CILK1: variants seen among roughly 807,000 people sequenced by gnomAD.
The protein encoded by CILK1 is serine/threonine-protein kinase ICK.
In CILK1, 47 loss-of-function variants were observed where a neutral mutation model predicts 79.2. The ratio of observed to expected loss-of-function variants is 0.59; its 90% CI spans 0.47 to 0.76. CILK1 has a LOEUF of 0.76. Ranked by LOEUF, CILK1 falls within the 30% of genes least tolerant of loss-of-function variation. The pLI, the probability that CILK1 is intolerant of heterozygous loss-of-function variation, is 0.00. For missense variants in CILK1, 660 were observed against 769.5 expected (o/e 0.86, Z 1.68); for synonymous variants, 266 against 275.9 (o/e 0.96, Z 0.36).
chr6:53,030,148 C>G (rs1765840472), intron 5 of CILK1, among the ~76,000 whole-genome samples: 1 of 152,176 alleles, frequency 6.6e-6, no homozygotes, highest in Non-Finnish European at 1.5e-5. Context: ...GGTATGTGGT[C>G]ATCGTTCCTT....
intron 4 of CILK1, among the ~76,000 whole-genome samples, chr6:53,032,203 T>TA (rs1306634603): frequency 6.6e-6 from 1 of 152,102 alleles, no homozygotes; most frequent in Non-Finnish European, 1.5e-5. Context: ...AGAGGGCCTC[T>TA]AAAGTAGAAA....
chr6:53,020,211 T>G (rs1562014538), intron 5 of CILK1, among the ~76,000 whole-genome samples: 1 of 152,204 alleles, frequency 6.6e-6, no homozygotes. Context: ...GTCTCAGCTA[T>G]AGCAGAGCTC....
In CILK1 at chr6:53,003,255, G is replaced by A. The variant is rs1409482399; in HGVS notation, c.*1894C>T. The A allele has an allele frequency of 6.6e-6, 1 of 152,462 alleles. No individual in the cohort carries two copies. Among genetic ancestry groups the A allele is most frequent in the East Asian group, 1.9e-4 (1 of 5,204 alleles). 9.4% of individuals were successfully genotyped at this position (152,462 alleles called of 1,614,324 possible). On this transcript the variant is annotated 3_prime_UTR_variant, in exon 14 of 14. Coordinates refer to ENST00000676107, the MANE Select transcript of CILK1 (RefSeq NM_014920.5). ...CCTAGGGATCATGGTGCTTGGTCAA[G>A]TATATATTTGAGTCAAATTCTCCAA...
intron 5 of CILK1, among the ~76,000 whole-genome samples, chr6:53,019,880 C>T (rs1765131731): frequency 1.3e-5 from 2 of 151,308 alleles, no homozygotes; most frequent in Non-Finnish European, 2.9e-5. Flanking sequence ...CTCTGTTGCC[C>T]AGGCTTGTCT....
chr6:53,040,273 G>C (rs1370027283), intron 2 of CILK1, among the ~76,000 whole-genome samples: 2 of 152,182 alleles, frequency 1.3e-5, no homozygotes, highest in Admixed American at 6.5e-5. Context: ...ATTTGACAAG[G>C]ATGTCACTTC....
In CILK1 at chr6:53,011,668, C is replaced by T. The variant is rs1001218623; in HGVS notation, c.1492+101G>A. 1.1e-5 allele frequency: 12 copies of T among 1,109,958 alleles called. No individual in the cohort carries two copies. The African/African-American group carries it at 1.5e-4, about 14-fold the overall frequency. 68.8% of individuals were successfully genotyped at this position (1,109,958 alleles called of 1,614,324 possible). A position where few individuals can be genotyped will look rare whatever the true frequency, so the allele number is the denominator to read the frequency against. On this transcript the variant is annotated intron_variant, in intron 11 of 13. Coordinates refer to ENST00000676107, the MANE Select transcript of CILK1 (RefSeq NM_014920.5). ...TTCCCCTCAGTTCTGAAGGGAAGCC[C>T]CCTAGTATCTGCCTTCTAAAACAGA...
chr6:53,022,804 C>T (rs192848436), intron 5 of CILK1, among the ~76,000 whole-genome samples: 115 of 152,336 alleles, frequency 7.5e-4, no homozygotes, highest in Middle Eastern at 3.4e-3. Flanking sequence ...TGAGCATCTG[C>T]TCCATGCCAG....
intron 5 of CILK1, among the ~76,000 whole-genome samples, chr6:53,029,903 A>G (rs1765824217): frequency 6.6e-6 from 1 of 152,176 alleles, no homozygotes; most frequent in Admixed American, 6.5e-5. Context: ...TGTATATTAC[A>G]ATGACCTCAA....
At chr6:53,032,725 A>C in intron 3 of CILK1, 71 bp from the exon 4 acceptor site, 1 of 1,257,032 alleles carries the variant, frequency 8.0e-7, no homozygotes, top group Admixed American at 1.9e-5. Flanking sequence ...AAGAAAAGTA[A>C]TCCTATGTAT....
In CILK1 at chr6:53,013,844, G is replaced by A; in HGVS notation, c.970C>T (p.Gln324Ter). The change falls in exon 9 of 14, where the codon CAG (glutamine) becomes TAG (stop). Residue 324 changes from glutamine (Q) to a stop codon, truncating the protein, a stop_gained. Coordinates refer to ENST00000676107, the MANE Select transcript of CILK1 (RefSeq NM_014920.5). LOFTEE classifies it high-confidence loss of function. ...PPYIKPVPPA[Q>*]PPAKPHTRIS... ...CGTGTGTGTGGCTTGGCTGGTGGCT[G>A]GGCAGGTGGGACTGGCTTAATATAA... 2 of 1,614,084 alleles carry A rather than the reference G, an allele frequency of 1.2e-6. No homozygotes were observed. The highest frequency in any genetic ancestry group is 1.1e-5 in the South Asian group (1 of 91,074).
At position 53,041,422 on chromosome 6, in the gene CILK1, T is replaced by G; in HGVS notation, c.-172-14A>C. Reference sequence around the variant, plus strand: ...TCAGTCTTCTGCCTGCAGAGAAAAATGAGAGACAAGGATAAATGTTAATAT... The same window carrying G: ...TCAGTCTTCTGCCTGCAGAGAAAAAGGAGAGACAAGGATAAATGTTAATAT... On this transcript the variant is annotated splice_polypyrimidine_tract_variant and intron_variant, in intron 1 of 13. Coordinates refer to ENST00000676107, the MANE Select transcript of CILK1 (RefSeq NM_014920.5). 3.4e-6 allele frequency: 2 copies of G among 595,190 alleles called. No individual in the cohort carries two copies. Among genetic ancestry groups the G allele is most frequent in the Non-Finnish European group, 6.1e-6 (2 of 329,296 alleles). 36.9% of individuals were successfully genotyped at this position (595,190 alleles called of 1,614,324 possible). A position where few individuals can be genotyped will look rare whatever the true frequency, so the allele number is the denominator to read the frequency against.
chr6:53,044,449 G>T (rs370403001), intron 1 of CILK1, among the ~76,000 whole-genome samples: 1 of 152,176 alleles, frequency 6.6e-6, no homozygotes, highest in African/African-American at 2.4e-5. Flanking sequence ...TGTAGTTACT[G>T]TCCTGTGATT....
intron 4 of CILK1, 25 bp from the exon 5 acceptor site, chr6:53,031,169 GT>G: frequency 1.4e-6 from 2 of 1,451,506 alleles, no homozygotes; most frequent in Non-Finnish European, 1.9e-6. Flanking sequence ...GGAAAACAAA[GT>G]TATAAATCAA....
chr6:53,007,727 C>T (rs950634090), intron 12 of CILK1, among the ~76,000 whole-genome samples: 3 of 150,662 alleles, frequency 2.0e-5, no homozygotes, highest in African/African-American at 4.9e-5. Flanking sequence ...GTCAGGAGTT[C>T]GAGACCAGCC....
At chr6:53,022,915 A>G (rs184821970) in intron 5 of CILK1, among the ~76,000 whole-genome samples, 1 of 151,278 alleles carries the variant, frequency 6.6e-6, no homozygotes, top group Non-Finnish European at 1.5e-5. Context: ...GTTGAGCTCT[A>G]TCAACTTCAG....
Position 53,030,015 on chromosome 6 carries a change from A to T in CILK1, c.358+1050T>A, listed in dbSNP as rs533451193. 3.3e-5 allele frequency among the ~76,000 whole-genome samples: 5 copies of T among 152,324 alleles called. No individual in the cohort carries two copies. In the East Asian group the frequency reaches 9.6e-4, roughly 29 times the overall value. On this transcript the variant is annotated intron_variant, in intron 5 of 13. Coordinates refer to ENST00000676107, the MANE Select transcript of CILK1 (RefSeq NM_014920.5). ...TCCAACCCCAGCTGGGTCTGTGTCT[A>T]GTTAGTAACAACAAGCAGCAATACT...
In CILK1 at chr6:53,019,689, C is replaced by T. The variant is rs780998663; in HGVS notation, c.359-330G>A. Among the ~76,000 whole-genome samples the T allele has an allele frequency of 5.9e-5, 9 of 152,214 alleles. No homozygotes were observed. The East Asian group carries it at 9.6e-4, about 16-fold the overall frequency. On this transcript the variant is annotated intron_variant, in intron 5 of 13. Transcript: ENST00000676107. ...TCACTCAAGGGAAAAATATCACTGACGGCATCTCATTCTATTGCCTAGGTT... is the reference window on the plus strand; with the variant it reads ...TCACTCAAGGGAAAAATATCACTGATGGCATCTCATTCTATTGCCTAGGTT...
Position 53,027,193 on chromosome 6 carries a change from T to C in CILK1, c.358+3872A>G, listed in dbSNP as rs147310681. Among the ~76,000 whole-genome samples, 20 of 152,342 alleles carry C rather than the reference T, an allele frequency of 1.3e-4. No individual in the cohort carries two copies. The East Asian group carries it at 3.9e-3, about 29-fold the overall frequency. ...AAGGCAATGGACTATCTCAAGGTCA[T>C]GCACAGCAAGACAGTGAGGAAACAC... On this transcript the variant is annotated intron_variant, in intron 5 of 13. Transcript: ENST00000676107.
chr6:53,031,539 T>C (rs1487521684), intron 4 of CILK1, among the ~76,000 whole-genome samples: 1 of 152,218 alleles, frequency 6.6e-6, no homozygotes, highest in East Asian at 1.9e-4. Context: ...AGAGGAGTAC[T>C]GTGAATGGCA....
Sources: gnomAD v4.1 joint callset for allele counts (sites outside exome capture counted in the v4.1 genomes callset) on GRCh38, gnomAD v4.1.1 for gene constraint, MANE v1.5 for transcripts, NCBI Gene and HGNC (gene_info 2026-07-23, HGNC 2026-07-21) for gene names.